Variants in NEK3 observed in about 807,000 individuals in gnomAD.
NEK3 encodes NIMA related kinase 3.
Under a neutral mutation model 66.0 loss-of-function variants are expected in NEK3, and 54 were observed. The ratio of observed to expected loss-of-function variants is 0.82; its 90% confidence interval spans 0.66 to 1.03. The LOEUF (loss-of-function observed/expected upper bound fraction) is 1.03. NEK3 is among the 50% of genes least tolerant of loss of function. NEK3 has a pLI of 0.00. For synonymous variants in NEK3, 200 were observed against 206.2 expected, an observed-to-expected ratio of 0.97 and a Z score of 0.26; for missense variants, 593 against 603.0, an observed-to-expected ratio of 0.98 and a Z score of 0.17.
rs1255533951 is a variant in NEK3 at position 52,154,075 on chromosome 13, T to C, written c.211+5A>G. On this transcript the variant is annotated splice_donor_5th_base_variant and intron_variant, in intron 3 of 15. Coordinates refer to ENST00000610828, the MANE Select transcript of NEK3 (RefSeq NM_002498.3). Reference sequence around the variant, plus strand: ...ATGCACATATCTGGGGGAATTCGTATTTACCTTCAAATGATTCTTTGAAGG... The same window carrying C: ...ATGCACATATCTGGGGGAATTCGTACTTACCTTCAAATGATTCTTTGAAGG... The C allele has an allele frequency of 6.2e-7, 1 of 1,609,326 alleles. No homozygotes were observed. Among genetic ancestry groups the C allele is most frequent in the Non-Finnish European group, 8.5e-7 (1 of 1,176,504 alleles).
chr13:52,144,943 C>G (rs1956282299), intron 8 of NEK3, 52 bp from the exon 9 acceptor site: 2 of 1,149,582 alleles, frequency 1.7e-6, no homozygotes, highest in Non-Finnish European at 2.6e-6. Flanking sequence ...GAAATGGAAG[C>G]AAGAAACTAC....
chr13:52,140,214 CAA>C (rs397851494), intron 11 of NEK3, among the ~76,000 whole-genome samples: 110 of 76,788 alleles, frequency 1.4e-3, no homozygotes, highest in Middle Eastern at 6.6e-3. Flanking sequence ...GACCCTATCT[CAA>C]AAAAAAAAAA....
At chr13:52,133,261 A>G (rs763235148) in intron 15 of NEK3, 35 bp from the exon 16 acceptor site, 9 of 1,483,070 alleles carry the variant, frequency 6.1e-6, no homozygotes, top group Non-Finnish European at 4.6e-6. Context: ...AAACCTCTAC[A>G]TTAGGGGCAC....
chr13:52,143,647 C>G (rs750886033), intron 10 of NEK3, among the ~76,000 whole-genome samples: 1 of 152,188 alleles, frequency 6.6e-6, no homozygotes, highest in Non-Finnish European at 1.5e-5. Context: ...ACCTACACAA[C>G]AAGCCAGAGA....
rs980543687 is a variant in NEK3 at position 52,132,849 on chromosome 13, T to C, written c.*293A>G. On this transcript the variant is annotated 3_prime_UTR_variant, in exon 16 of 16. Coordinates refer to ENST00000610828, the MANE Select transcript of NEK3 (RefSeq NM_002498.3). ...GAAGAGGTTAAGTAATTTCCCACAATCACACAAGTAGGTAGTGGCACGCTA... is the reference window on the plus strand; with the variant it reads ...GAAGAGGTTAAGTAATTTCCCACAACCACACAAGTAGGTAGTGGCACGCTA... 3 of 302,020 alleles carry C rather than the reference T, an allele frequency of 9.9e-6. No homozygotes were observed. Among genetic ancestry groups the C allele is most frequent in the Admixed American group, 8.9e-5 (2 of 22,416 alleles). 18.7% of individuals were successfully genotyped at this position (302,020 alleles called of 1,614,324 possible).
chr13:52,135,608 A>G (rs1347010224), intron 14 of NEK3, 121 bp downstream of exon 14: 1 of 773,600 alleles, frequency 1.3e-6, no homozygotes, highest in Non-Finnish European at 2.0e-6. Flanking sequence ...AATGTGACGT[A>G]CTTAGTGCTA....
chr13:52,148,625 A>G (rs1226214009), intron 7 of NEK3, among the ~76,000 whole-genome samples, 156 bp from the exon 8 acceptor site: 1 of 152,242 alleles, frequency 6.6e-6, no homozygotes, highest in Non-Finnish European at 1.5e-5. Flanking sequence ...TCCTAAGAGT[A>G]GTGTTCACAA....
At chr13:52,158,296 T>C (rs1956412128) in intron 1 of NEK3, among the ~76,000 whole-genome samples, 1 of 152,252 alleles carries the variant, frequency 6.6e-6, no homozygotes, top group Admixed American at 6.5e-5. Context: ...CAGTTTGTAT[T>C]ACTGTTTATC....
At chr13:52,136,353 CTTTT>C in intron 12 of NEK3, 94 bp from the exon 13 acceptor site, 1 of 1,218,472 alleles carries the variant, frequency 8.2e-7, no homozygotes, top group Non-Finnish European at 1.1e-6. Context: ...GGAAGTGTTT[CTTTT>C]CTCTTTCATA....
rs781768139 is a variant in NEK3, at chr13:52,154,191, A to G, written c.118-18T>C. 7.5e-5 allele frequency: 112 copies of G among 1,487,510 alleles called. No individual in the cohort carries two copies. The highest frequency in any genetic ancestry group is 9.7e-5 in the Non-Finnish European group (105 of 1,082,306). 92.1% of individuals were successfully genotyped at this position (1,487,510 alleles called of 1,614,324 possible). A position where few individuals can be genotyped will look rare whatever the true frequency, so the allele number is the denominator to read the frequency against. On this transcript the variant is annotated intron_variant, in intron 2 of 15. Transcript: ENST00000610828. The stretch of plus-strand genomic sequence containing the variant: ...GAGAAAGACTAGAAAAACATTTTAA[A>G]TAAGCATAAACTTAATACTGCATTT...
chr13:52,136,106 G>A lies in NEK3; in HGVS notation c.1174+10C>T. On this transcript the variant is annotated intron_variant, in intron 13 of 15. Transcript: ENST00000610828. The stretch of plus-strand genomic sequence containing the variant: ...CTAATAAAATAATAGTATTCAATCT[G>A]ACTACTAACCTCTATCGTCCTCTGC... 1 of 1,613,074 alleles carries A rather than the reference G, an allele frequency of 6.2e-7. No individual in the cohort carries two copies. The highest frequency in any genetic ancestry group is 8.5e-7 in the Non-Finnish European group (1 of 1,179,480).
At chr13:52,155,201 G>GA (rs934143353) in intron 2 of NEK3, among the ~76,000 whole-genome samples, 1 of 151,826 alleles carries the variant, frequency 6.6e-6, no homozygotes, top group African/African-American at 2.4e-5. Flanking sequence ...AATACAGTGG[G>GA]AAAAAAATAC....
chr13:52,143,316 C>A (rs200205995), intron 10 of NEK3, among the ~76,000 whole-genome samples: 18 of 144,170 alleles, frequency 1.2e-4, no homozygotes, highest in South Asian at 2.2e-4. Context: ...AGCTCCATTT[C>A]AAAAAAAAAA....
chr13:52,153,705 A>G (rs1956366340), intron 4 of NEK3, among the ~76,000 whole-genome samples, 190 bp downstream of exon 4: 1 of 152,170 alleles, frequency 6.6e-6, no homozygotes, highest in South Asian at 2.1e-4. Flanking sequence ...TATAGATTTT[A>G]CTTCCTAAAA....
chr13:52,147,837 C>CA (rs547829061), intron 8 of NEK3, among the ~76,000 whole-genome samples: 2 of 151,830 alleles, frequency 1.3e-5, no homozygotes, highest in South Asian at 2.1e-4. Flanking sequence ...AGTAAAAATA[C>CA]AAAAAAAATT....
chr13:52,145,395 C>T (rs143763377), intron 8 of NEK3, among the ~76,000 whole-genome samples: 2,332 of 152,274 alleles, frequency 0.015, 73 homozygotes, highest in Admixed American at 0.081. Context: ...CTTTGACCTC[C>T]TGGGCTCAAG....
chr13:52,158,776 C>A (rs1386664469), intron 1 of NEK3, among the ~76,000 whole-genome samples: 2 of 152,178 alleles, frequency 1.3e-5, no homozygotes, highest in African/African-American at 4.8e-5. Flanking sequence ...CAGTGAGATA[C>A]GGGCTAAGTT....
At chr13:52,152,572 C>CT (rs554933673) in intron 5 of NEK3, 37 bp downstream of exon 5, 25,416 of 1,040,758 alleles carry the variant, frequency 0.024, no homozygotes, top group South Asian at 0.027. Context: ...GAATTAAGGA[C>CT]TTTTTTTTTT....
At chr13:52,144,052 GTCATT>G (rs1956273297) in intron 9 of NEK3, 65 bp from the exon 10 acceptor site, 1 of 859,814 alleles carries the variant, frequency 1.2e-6, no homozygotes, top group Admixed American at 2.8e-5. Context: ...CTGCCGTGAT[GTCATT>G]TCATCATCAG....
Sources: gnomAD v4.1 joint callset for allele counts (sites outside exome capture counted in the v4.1 genomes callset) on GRCh38, gnomAD v4.1.1 for gene constraint, MANE v1.5 for transcripts, NCBI Gene and HGNC (gene_info 2026-07-23, HGNC 2026-07-21) for gene names.